FAM124A: variants seen among roughly 807,000 people sequenced by gnomAD.
FAM124A encodes family with sequence similarity 124 member A.
In FAM124A, 23 loss-of-function variants were observed where a neutral mutation model predicts 24.5. That is an observed-to-expected ratio of 0.94 (90% CI 0.68 to 1.33). The LOEUF (loss-of-function observed/expected upper bound fraction) is 1.33, where lower values mean the gene tolerates loss of function less well. Ranked by LOEUF, FAM124A falls within the 40% of genes most tolerant of loss-of-function variation. FAM124A has a pLI of 0.00. For synonymous variants in FAM124A, 287 were observed against 314.7 expected, an observed-to-expected ratio of 0.91 and a Z score of 0.93; for missense variants, 623 against 722.8, an observed-to-expected ratio of 0.86 and a Z score of 1.58.
intron 3 of FAM124A, among the ~76,000 whole-genome samples, chr13:51,266,327 TG>T: frequency 6.6e-6 from 1 of 152,294 alleles, no homozygotes; most frequent in Admixed American, 6.5e-5. Context: ...TCCTTTTTTT[TG>T]TTTTTGTTTT....
intron 3 of FAM124A, among the ~76,000 whole-genome samples, chr13:51,262,684 T>A (rs1173796662): frequency 6.6e-6 from 1 of 152,162 alleles, no homozygotes; most frequent in Non-Finnish European, 1.5e-5. Context: ...GCTCTTGGCT[T>A]CATGCTGAGA....
chr13:51,259,083 C>A (rs1378369721), intron 3 of FAM124A, among the ~76,000 whole-genome samples: 1 of 152,142 alleles, frequency 6.6e-6, no homozygotes, highest in Non-Finnish European at 1.5e-5. Flanking sequence ...TGCTCCAGTT[C>A]CAAAGCCCAA....
chr13:51,244,663 C>T (rs563536790), intron 2 of FAM124A, among the ~76,000 whole-genome samples: 2 of 152,292 alleles, frequency 1.3e-5, no homozygotes, highest in South Asian at 4.2e-4. Context: ...GCTAGTCTGG[C>T]AGGCACCGGG....
chr13:51,261,340 C>T (rs964880631), intron 3 of FAM124A, among the ~76,000 whole-genome samples: 11 of 152,092 alleles, frequency 7.2e-5, no homozygotes, highest in South Asian at 2.1e-4. Flanking sequence ...GCCCCTGGGC[C>T]GAGACCCTGA....
intron 1 of FAM124A, among the ~76,000 whole-genome samples, chr13:51,231,043 G>C (rs1394095987): frequency 5.3e-5 from 8 of 152,174 alleles, no homozygotes; most frequent in Admixed American, 1.3e-4. Context: ...AAACTTTGGG[G>C]CTTCTCCCCA....
At chr13:51,276,362 C>T (rs1296854442) in intron 3 of FAM124A, among the ~76,000 whole-genome samples, 1 of 152,150 alleles carries the variant, frequency 6.6e-6, no homozygotes, top group Non-Finnish European at 1.5e-5. Flanking sequence ...TGGTATGTTG[C>T]TATAACTGAT....
At chr13:51,237,669 T>G (rs9568559) in intron 2 of FAM124A, among the ~76,000 whole-genome samples, 106,708 of 152,098 alleles carry the variant, frequency 0.7, 38,318 homozygotes, top group Non-Finnish European at 0.8. Context: ...TGTACATCTG[T>G]ACAGATCAAT....
chr13:51,266,890 C>A (rs979398382), intron 3 of FAM124A, among the ~76,000 whole-genome samples: 44 of 152,218 alleles, frequency 2.9e-4, no homozygotes, highest in African/African-American at 1.1e-3. Context: ...AACCAGTTGT[C>A]CATTCAGCCA....
Position 51,253,121 on chromosome 13 carries a change from C to T in FAM124A, c.834+920C>T, listed in dbSNP as rs1238295067. ...TTTTCTGAAAAGCCTCTACCTCTGA[C>T]GTCTCAATTTTCACACTTGGCTACC... On this transcript the variant is annotated intron_variant, in intron 3 of 3. Coordinates refer to ENST00000322475, the MANE Select transcript of FAM124A (RefSeq NM_001242312.2). 10 of 152,220 alleles carry T rather than the reference C, an allele frequency of 6.6e-5. No homozygotes were observed. The East Asian group carries it at 7.7e-4, about 12-fold the overall frequency. The allele number at this position is 152,220 out of a possible 1,614,324, so 9.4% of individuals were successfully genotyped here.
At chr13:51,268,175 A>G (rs1171942384) in intron 3 of FAM124A, among the ~76,000 whole-genome samples, 1 of 152,206 alleles carries the variant, frequency 6.6e-6, no homozygotes, top group East Asian at 1.9e-4. Context: ...CAGTTCATTC[A>G]ATCTCTTTTC....
rs1954625769 is a variant in FAM124A, at chr13:51,251,781, C to T, written c.414C>T (p.Gly138=). The part of the protein sequence containing the change: ...WRHHHTEQVH[G]RFLPYLPCSQ... Reference sequence around the variant, plus strand: ...ACCACCACACCGAGCAGGTGCACGGCCGGTTCCTGCCCTACCTGCCCTGCA... The same window carrying T: ...ACCACCACACCGAGCAGGTGCACGGTCGGTTCCTGCCCTACCTGCCCTGCA... The change falls in exon 3 of 4, where the codon GGC becomes GGT. Residue 138 remains glycine, a synonymous_variant. Transcript: ENST00000322475. The surrounding 1 kb of genome is among the most constrained non-coding windows in gnomAD (Gnocchi z 5.3). 1 of 1,588,154 alleles carries T rather than the reference C, an allele frequency of 6.3e-7. No homozygotes were observed. Among genetic ancestry groups the T allele is most frequent in the Admixed American group, 1.8e-5 (1 of 56,232 alleles).
Position 51,244,836 on chromosome 13 carries a change from C to T in FAM124A, c.101-6632C>T, listed in dbSNP as rs965210009. ...CTCCAGCTGAGGATGCCCACCCAGG[C>T]GAAACAGCCAGCCCATTCACAGCAG... On this transcript the variant is annotated intron_variant, in intron 2 of 3. Transcript: ENST00000322475. Among the ~76,000 whole-genome samples the T allele has an allele frequency of 5.3e-5, 8 of 152,302 alleles. No individual in the cohort carries two copies. In the South Asian group the frequency reaches 6.2e-4, roughly 12 times the overall value.
At chr13:51,278,222 G>A (rs533181554) in intron 3 of FAM124A, among the ~76,000 whole-genome samples, 2 of 152,292 alleles carry the variant, frequency 1.3e-5, no homozygotes, top group African/African-American at 4.8e-5. Context: ...TCCATGCGAG[G>A]AGGATTCAGG....
At chr13:51,264,637 TAA>T in intron 3 of FAM124A, among the ~76,000 whole-genome samples, 1 of 146,234 alleles carries the variant, frequency 6.8e-6, no homozygotes, top group African/African-American at 2.5e-5. Context: ...CATATCTCTT[TAA>T]AAAAAAAAAA....
At chr13:51,264,742 C>T (rs567236993) in intron 3 of FAM124A, among the ~76,000 whole-genome samples, 1 of 152,218 alleles carries the variant, frequency 6.6e-6, no homozygotes, top group South Asian at 2.1e-4. Flanking sequence ...AATAGCTGTA[C>T]ATATTTTCAC....
chr13:51,231,592 A>G (rs1954377638), intron 2 of FAM124A, among the ~76,000 whole-genome samples: 1 of 152,220 alleles, frequency 6.6e-6, no homozygotes, highest in Non-Finnish European at 1.5e-5. Context: ...GATGTAACCC[A>G]GGCTTTATCA....
intron 2 of FAM124A, among the ~76,000 whole-genome samples, chr13:51,233,051 T>C (rs1593586574): frequency 6.6e-6 from 1 of 152,170 alleles, no homozygotes; most frequent in East Asian, 1.9e-4. Context: ...TGGGGCCTCT[T>C]GGTGAGTGAG....
intron 2 of FAM124A, among the ~76,000 whole-genome samples, chr13:51,246,719 C>T (rs556568875): frequency 6.6e-6 from 1 of 152,314 alleles, no homozygotes; most frequent in South Asian, 2.1e-4. Flanking sequence ...GCTCTGAGGC[C>T]GGGCATTTCG....
At chr13:51,276,448 T>G in intron 3 of FAM124A, among the ~76,000 whole-genome samples, 1 of 152,218 alleles carries the variant, frequency 6.6e-6, no homozygotes, top group Admixed American at 6.5e-5. Flanking sequence ...CAGCAAGCAT[T>G]TGCTCAACCG....
Sources: gnomAD v4.1 joint callset for allele counts (sites outside exome capture counted in the v4.1 genomes callset) on GRCh38, gnomAD v4.1.1 for gene constraint, Gnocchi (gnomAD v3.1) non-coding constraint, MANE v1.5 for transcripts, NCBI Gene and HGNC (gene_info 2026-07-23, HGNC 2026-07-21) for gene names.